The following CFAP61 variants were observed in gnomAD, a reference collection of about 807,000 sequenced individuals.
The protein encoded by CFAP61 is cilia and flagella associated protein 61.
A neutral mutation model predicts 135.6 loss-of-function variants in CFAP61; 107 were observed. The ratio of observed to expected loss-of-function variants is 0.79; its 90% CI spans 0.67 to 0.93. CFAP61 has a LOEUF of 0.93. Ranked by LOEUF, CFAP61 falls within the 40% of genes least tolerant of loss-of-function variation. The pLI, the probability that CFAP61 is intolerant of heterozygous loss-of-function variation, is 0.00. For synonymous variants in CFAP61, 575 were observed against 578.5 expected (o/e 0.99, Z 0.09); for missense variants, 1,507 against 1,556.2 (o/e 0.97, Z 0.53).
At chr20:20,319,639 C>A (rs1025393513) in intron 25 of CFAP61, among the ~76,000 whole-genome samples, 23 of 152,184 alleles carry the variant, frequency 1.5e-4, no homozygotes, top group African/African-American at 5.6e-4. Flanking sequence ...TCCTGTATAG[C>A]CTGTGCAACT....
At chr20:20,134,297 A>T (rs1435060784) in intron 8 of CFAP61, among the ~76,000 whole-genome samples, 2 of 152,302 alleles carry the variant, frequency 1.3e-5, no homozygotes, top group East Asian at 3.9e-4. Context: ...CAGTGATATC[A>T]AAGAGTGTAG....
rs574817377 is a variant in CFAP61 at position 20,091,544 on chromosome 20, G to A, written c.699+568G>A. Among the ~76,000 whole-genome samples, 15 of 151,886 alleles carry A rather than the reference G, an allele frequency of 9.9e-5. No homozygotes were observed. In the East Asian group the frequency reaches 2.7e-3, roughly 27 times the overall value. The stretch of plus-strand genomic sequence containing the variant: ...CTCTCATGTATATTCTGAACCATTT[G>A]AGAGTAAGTTGCATACATAATGCCC... On this transcript the variant is annotated intron_variant, in intron 7 of 26. Transcript: ENST00000245957.
At chr20:20,076,888 A>C (rs2046089739) in intron 6 of CFAP61, among the ~76,000 whole-genome samples, 1 of 152,102 alleles carries the variant, frequency 6.6e-6, no homozygotes, top group Non-Finnish European at 1.5e-5. Flanking sequence ...GCGGGGGTGT[A>C]AGTTCCCTCT....
chr20:20,312,687 C>G (rs1328172232), intron 25 of CFAP61, among the ~76,000 whole-genome samples: 1 of 152,086 alleles, frequency 6.6e-6, no homozygotes, highest in African/African-American at 2.4e-5. Flanking sequence ...AAGAGAAAGT[C>G]TTAAAAGCAA....
chr20:20,182,280 A>G (rs1024839293), intron 13 of CFAP61, among the ~76,000 whole-genome samples: 13 of 152,284 alleles, frequency 8.5e-5, no homozygotes, highest in African/African-American at 3.1e-4. Context: ...CATTTTAATT[A>G]AGGATTTTAA....
intron 26 of CFAP61, among the ~76,000 whole-genome samples, chr20:20,343,040 T>A (rs2058502743): frequency 1.3e-5 from 2 of 152,236 alleles, no homozygotes; most frequent in South Asian, 2.1e-4. Flanking sequence ...TTTGTATTTT[T>A]GGAGAGACAG....
chr20:20,055,471 G>A (rs2044240944), intron 1 of CFAP61, among the ~76,000 whole-genome samples: 1 of 152,086 alleles, frequency 6.6e-6, no homozygotes, highest in Admixed American at 6.5e-5. Flanking sequence ...GTAGATGCAT[G>A]GTTTAATTTT....
At chr20:20,281,652 A>G (rs572049684) in intron 22 of CFAP61, among the ~76,000 whole-genome samples, 40 of 152,264 alleles carry the variant, frequency 2.6e-4, no homozygotes, top group African/African-American at 8.9e-4. Flanking sequence ...TTTATTTGCC[A>G]ATATGTTTTA....
At chr20:20,179,327 G>A (rs1003807351) in intron 13 of CFAP61, among the ~76,000 whole-genome samples, 13 of 152,242 alleles carry the variant, frequency 8.5e-5, no homozygotes, top group Admixed American at 8.5e-4. Context: ...TAACCAGTGA[G>A]AGATGAAAGA....
intron 21 of CFAP61, among the ~76,000 whole-genome samples, chr20:20,270,680 C>CTT (rs74180986): frequency 5.5e-5 from 8 of 146,024 alleles, no homozygotes; most frequent in East Asian, 2.1e-4. Context: ...GTGCATTATT[C>CTT]TTTTTTTTTT....
rs77106628 is a variant in CFAP61, at chr20:20,094,909, C to A, written c.700-3746C>A. Among the ~76,000 whole-genome samples, 473 of 152,264 alleles carry A rather than the reference C, an allele frequency of 3.1e-3. 1 individual carries two copies. Among genetic ancestry groups the A allele is most frequent in the African/African-American group, 0.011 (449 of 41,562 alleles). On this transcript the variant is annotated intron_variant, in intron 7 of 26. Coordinates refer to ENST00000245957, the MANE Select transcript of CFAP61 (RefSeq NM_015585.4). Reference sequence around the variant, plus strand: ...CCCTTTTTCCTGCCTCCCTAGGGGGCTTTTAGGCAATGGTGTGCTGGAGCC... The same window carrying A: ...CCCTTTTTCCTGCCTCCCTAGGGGGATTTTAGGCAATGGTGTGCTGGAGCC...
intron 25 of CFAP61, among the ~76,000 whole-genome samples, chr20:20,320,847 C>A (rs8121814): frequency 0.014 from 2,118 of 151,500 alleles, 57 homozygotes; most frequent in African/African-American, 0.048. Context: ...AGAGAAGTCC[C>A]AGCTGCCAAG....
At chr20:20,265,729 A>C (rs2052674009) in intron 21 of CFAP61, 1 of 479,634 alleles carries the variant, frequency 2.1e-6, no homozygotes, top group Non-Finnish European at 3.7e-6. Flanking sequence ...CCTTCAGGGA[A>C]ACCTGACCTG....
chr20:20,160,543 C>T (rs989265801), intron 10 of CFAP61, among the ~76,000 whole-genome samples: 5 of 152,120 alleles, frequency 3.3e-5, no homozygotes, highest in African/African-American at 9.7e-5. Context: ...GAATTAAGTG[C>T]CCCCATGTGG....
At chr20:20,167,919 G>A (rs543870089) in intron 12 of CFAP61, among the ~76,000 whole-genome samples, 2 of 152,194 alleles carry the variant, frequency 1.3e-5, no homozygotes, top group African/African-American at 2.4e-5. Context: ...CCTGGCAGAG[G>A]ATCAGGCAGC....
At chr20:20,171,088 C>T (rs529169228) in intron 13 of CFAP61, among the ~76,000 whole-genome samples, 6 of 152,296 alleles carry the variant, frequency 3.9e-5, no homozygotes, top group African/African-American at 9.6e-5. Flanking sequence ...GGAACCCAGG[C>T]TGTTAGCTTA....
intron 8 of CFAP61, among the ~76,000 whole-genome samples, chr20:20,101,000 C>G (rs2047983156): frequency 1.3e-5 from 2 of 152,176 alleles, no homozygotes; most frequent in Non-Finnish European, 2.9e-5. Flanking sequence ...TTCATTGACA[C>G]AAAGATGATT....
intron 24 of CFAP61, among the ~76,000 whole-genome samples, chr20:20,293,465 G>T (rs1047741821): frequency 6.6e-6 from 1 of 152,096 alleles, no homozygotes; most frequent in Admixed American, 6.5e-5. Flanking sequence ...TGGCTCCATG[G>T]CAATCTTTTG....
At chr20:20,128,951 A>T (rs1245163530) in intron 8 of CFAP61, among the ~76,000 whole-genome samples, 1 of 151,642 alleles carries the variant, frequency 6.6e-6, no homozygotes. Context: ...ATCTCAATTT[A>T]CATATTTTTA....
Sources: gnomAD v4.1 joint callset for allele counts (sites outside exome capture counted in the v4.1 genomes callset) on GRCh38, gnomAD v4.1.1 for gene constraint, MANE v1.5 for transcripts, NCBI Gene and HGNC (gene_info 2026-07-23, HGNC 2026-07-21) for gene names.